Variants in ABLIM1 observed in about 807,000 individuals in gnomAD.
The protein encoded by ABLIM1 is actin binding LIM protein 1.
A neutral mutation model predicts 107.0 loss-of-function variants in ABLIM1; 40 were observed. That is an observed-to-expected ratio of 0.37 (90% confidence interval 0.29 to 0.49). ABLIM1 has a LOEUF of 0.49. Ranked by LOEUF, ABLIM1 falls within the 20% of genes least tolerant of loss-of-function variation. The pLI, the probability that ABLIM1 is intolerant of heterozygous loss-of-function variation, is 0.97. For synonymous variants in ABLIM1, 357 were observed against 357.3 expected, an observed-to-expected ratio of 1.00 and a Z score of 0.01; for missense variants, 857 against 1,008.5, an observed-to-expected ratio of 0.85 and a Z score of 2.04.
chr10:114,589,540 A>AG (rs1555191941), intron 2 of ABLIM1, among the ~76,000 whole-genome samples: 13 of 149,564 alleles, frequency 8.7e-5, no homozygotes, highest in South Asian at 2.1e-4. Flanking sequence ...AAAAAAAAAA[A>AG]AGAGAGAGAG....
intron 1 of ABLIM1, among the ~76,000 whole-genome samples, chr10:114,713,958 G>A (rs905590191): frequency 6.6e-6 from 1 of 152,180 alleles, no homozygotes; most frequent in Non-Finnish European, 1.5e-5. Flanking sequence ...ACTGCATTCT[G>A]TACTGGGAAG....
chr10:114,484,004 C>T (rs1163652066), intron 8 of ABLIM1, among the ~76,000 whole-genome samples: 1 of 152,154 alleles, frequency 6.6e-6, no homozygotes, highest in Admixed American at 6.5e-5. Context: ...GCAGGATGCC[C>T]CGGGCAGGTG....
intron 1 of ABLIM1, among the ~76,000 whole-genome samples, chr10:114,724,282 C>T (rs1358408825): frequency 1.3e-5 from 2 of 152,114 alleles, no homozygotes; most frequent in Admixed American, 1.3e-4. Flanking sequence ...TGGGGGGCCT[C>T]AGTTTCTCCA....
chr10:114,589,558 G>GGT (rs1445749493), intron 2 of ABLIM1, among the ~76,000 whole-genome samples: 6 of 151,174 alleles, frequency 4.0e-5, no homozygotes, highest in African/African-American at 4.9e-5. Flanking sequence ...GAGAGAGAGG[G>GGT]GCTTGGTATG....
At chr10:114,517,281 C>T (rs925377795) in intron 6 of ABLIM1, among the ~76,000 whole-genome samples, 23 of 152,046 alleles carry the variant, frequency 1.5e-4, no homozygotes, top group Admixed American at 3.9e-4. Flanking sequence ...CAGGACAGGA[C>T]GGGACCAGAC....
At chr10:114,787,746 GA>G in the ABLIM1 span, among the ~76,000 whole-genome samples, 88 of 137,484 alleles carry the variant, frequency 6.4e-4, no homozygotes, top group Non-Finnish European at 8.9e-4. Flanking sequence ...CCCCGTCCGG[GA>G]GGTGAGGGGA....
intron 1 of ABLIM1, among the ~76,000 whole-genome samples, chr10:114,648,911 A>G (rs2079119528): frequency 6.6e-6 from 1 of 152,078 alleles, no homozygotes. Flanking sequence ...GAGACTCCAC[A>G]GGAAAGTTTC....
chr10:114,445,511 T>A (rs1403277971), intron 15 of ABLIM1, 108 bp from the exon 16 acceptor site: 1 of 866,392 alleles, frequency 1.2e-6, no homozygotes, highest in East Asian at 2.4e-5. Context: ...TCAGCAACGG[T>A]CTTTAACACT....
intron 1 of ABLIM1, among the ~76,000 whole-genome samples, chr10:114,620,985 C>T (rs1007949858): frequency 2.6e-5 from 4 of 152,178 alleles, no homozygotes; most frequent in African/African-American, 9.6e-5. Flanking sequence ...TCATCCTTAG[C>T]TCAATGTGAC....
At chr10:114,519,325 G>A (rs1019382550) in intron 6 of ABLIM1, among the ~76,000 whole-genome samples, 1 of 152,182 alleles carries the variant, frequency 6.6e-6, no homozygotes, top group Non-Finnish European at 1.5e-5. Flanking sequence ...GTCCTAAGCA[G>A]GTATCACCTT....
the ABLIM1 span, among the ~76,000 whole-genome samples, chr10:114,776,340 C>T: frequency 1.3e-5 from 2 of 151,992 alleles, no homozygotes; most frequent in African/African-American, 2.4e-5. Context: ...TTGGGCCGGG[C>T]GTGGTGGCTC....
intron 14 of ABLIM1, among the ~76,000 whole-genome samples, chr10:114,448,248 A>C (rs1385216614): frequency 6.6e-6 from 1 of 152,250 alleles, no homozygotes; most frequent in Non-Finnish European, 1.5e-5. Flanking sequence ...TGTGTTCTAC[A>C]TCTGAAAAAC....
chr10:114,599,755 C>T (rs1017421424), intron 2 of ABLIM1, among the ~76,000 whole-genome samples: 7 of 151,582 alleles, frequency 4.6e-5, no homozygotes, highest in Non-Finnish European at 1.0e-4. Context: ...CCACTGCACT[C>T]CAGCCTGGCA....
chr10:114,591,017 A>G (rs941134978), intron 2 of ABLIM1, among the ~76,000 whole-genome samples: 1 of 152,198 alleles, frequency 6.6e-6, no homozygotes, highest in Non-Finnish European at 1.5e-5. Flanking sequence ...CAACTCTTAC[A>G]TCACACTTTT....
chr10:114,644,603 A>G (rs888133719), intron 1 of ABLIM1, among the ~76,000 whole-genome samples: 17 of 151,882 alleles, frequency 1.1e-4, no homozygotes, highest in African/African-American at 4.1e-4. Context: ...CCCCTTGCCT[A>G]TGGATGACTA....
chr10:114,452,325 T>C (rs1229743121), intron 13 of ABLIM1, among the ~76,000 whole-genome samples: 1 of 152,120 alleles, frequency 6.6e-6, no homozygotes, highest in Non-Finnish European at 1.5e-5. Flanking sequence ...CATTTTGCTT[T>C]AACTATAAAT....
intron 1 of ABLIM1, among the ~76,000 whole-genome samples, chr10:114,755,056 C>A (rs1055077190): frequency 2.6e-5 from 4 of 152,132 alleles, no homozygotes; most frequent in Admixed American, 6.5e-5. Context: ...GGGTCCCCAG[C>A]CTCTGGGCCA....
At chr10:114,547,560 A>G in intron 5 of ABLIM1, 90 bp downstream of exon 5, 1 of 1,539,082 alleles carries the variant, frequency 6.5e-7, no homozygotes. Context: ...AGCACCATTG[A>G]TGGGGTGGGG....
chr10:114,637,196 G>T (rs534821058), intron 1 of ABLIM1, among the ~76,000 whole-genome samples: 1 of 152,250 alleles, frequency 6.6e-6, no homozygotes, highest in Admixed American at 6.5e-5. Flanking sequence ...AGCTTCTCCG[G>T]TGACTAAGGA....
Sources: gnomAD v4.1 joint callset for allele counts (sites outside exome capture counted in the v4.1 genomes callset) on GRCh38, gnomAD v4.1.1 for gene constraint, MANE v1.5 for transcripts, NCBI Gene and HGNC (gene_info 2026-07-23, HGNC 2026-07-21) for gene names.